The following OPN5 variants were observed in gnomAD, a reference collection of about 807,000 sequenced individuals.
The protein encoded by OPN5 is opsin-5.
Under a neutral mutation model 41.7 loss-of-function variants are expected in OPN5, and 18 were observed. The ratio of observed to expected loss-of-function variants is 0.43; its 90% CI spans 0.30 to 0.64. The LOEUF is 0.64. Ranked by LOEUF, OPN5 falls within the 30% of genes least tolerant of loss-of-function variation. The pLI, the probability that OPN5 is intolerant of heterozygous loss-of-function variation, is 0.13. For synonymous variants in OPN5, 178 were observed against 164.3 expected (o/e 1.08, Z -0.64); for missense variants, 318 against 434.5 (o/e 0.73, Z 2.38).
At chr6:47,795,189 G>A (rs1773502723) in intron 3 of OPN5, 40 bp from the exon 4 acceptor site, 2 of 1,447,982 alleles carry the variant, frequency 1.4e-6, no homozygotes. Context: ...CTGGGTGTAG[G>A]GCAGATTACA....
intron 3 of OPN5, among the ~76,000 whole-genome samples, chr6:47,792,943 G>A (rs1326385899): frequency 2.6e-5 from 4 of 151,056 alleles, no homozygotes; most frequent in East Asian, 3.9e-4. Flanking sequence ...GGTGGGAGGC[G>A]GGGGCTTGTG....
At chr6:47,787,500 C>T (rs1438563399) in intron 2 of OPN5, among the ~76,000 whole-genome samples, 2 of 152,162 alleles carry the variant, frequency 1.3e-5, no homozygotes, top group Non-Finnish European at 2.9e-5. Context: ...TGCTATTTAG[C>T]TTATGGTTTT....
intron 6 of OPN5, chr6:47,823,443 A>T (rs931050624): frequency 6.5e-6 from 1 of 153,164 alleles, no homozygotes; most frequent in African/African-American, 2.4e-5. Context: ...TCCCATGGCA[A>T]GCCTTATCTA....
At chr6:47,791,419 T>C (rs1352375932) in intron 2 of OPN5, among the ~76,000 whole-genome samples, 5 of 152,230 alleles carry the variant, frequency 3.3e-5, no homozygotes, top group Non-Finnish European at 7.3e-5. Flanking sequence ...CTCTAAGCCT[T>C]CGAATGAAAG....
chr6:47,809,139 T>A (rs1223765401), intron 5 of OPN5, among the ~76,000 whole-genome samples: 1 of 152,166 alleles, frequency 6.6e-6, no homozygotes, highest in Non-Finnish European at 1.5e-5. Flanking sequence ...ACTTGGGGGT[T>A]ATTGGTGGTC....
intron 4 of OPN5, among the ~76,000 whole-genome samples, chr6:47,799,486 T>C (rs1773689406): frequency 6.6e-6 from 1 of 152,204 alleles, no homozygotes; most frequent in South Asian, 2.1e-4. Context: ...GACCCTGGCA[T>C]TGCTGAGATA....
intron 4 of OPN5, among the ~76,000 whole-genome samples, chr6:47,805,645 C>T (rs1205275749): frequency 3.9e-5 from 6 of 152,092 alleles, no homozygotes; most frequent in Admixed American, 3.9e-4. Flanking sequence ...TCCTGCCTAC[C>T]GCTAAAGTGT....
intron 6 of OPN5, among the ~76,000 whole-genome samples, chr6:47,820,240 C>G (rs369701950): frequency 2.8e-4 from 43 of 151,916 alleles, no homozygotes; most frequent in Non-Finnish European, 4.3e-4. Context: ...GTCTGCTCTA[C>G]TTTTTTACTT....
intron 2 of OPN5, among the ~76,000 whole-genome samples, chr6:47,790,160 A>G (rs1289607386): frequency 6.6e-6 from 1 of 152,238 alleles, no homozygotes; most frequent in East Asian, 1.9e-4. Context: ...AACAGAAGGA[A>G]ATGTGGAAAT....
At chr6:47,786,258 C>A (rs759899994) in intron 1 of OPN5, among the ~76,000 whole-genome samples, 1 of 152,208 alleles carries the variant, frequency 6.6e-6, no homozygotes, top group East Asian at 1.9e-4. Context: ...CCCACACTTT[C>A]CTGAGCCTCG....
chr6:47,808,419 G>T lies in OPN5; in HGVS notation c.998+24G>T, dbSNP rs1031904983. 3.7e-6 allele frequency: 6 copies of T among 1,612,912 alleles called. No individual in the cohort carries two copies. The Admixed American group carries it at 8.3e-5, about 22-fold the overall frequency. On this transcript the variant is annotated intron_variant, in intron 5 of 6. Coordinates refer to ENST00000371211, the Ensembl canonical transcript of OPN5. ...AGGTAAAACTTCAGAAGCTGGAAATGAATTACACTCTCTTTGTTTCAAAAT... is the reference window on the plus strand; with the variant it reads ...AGGTAAAACTTCAGAAGCTGGAAATTAATTACACTCTCTTTGTTTCAAAAT...
intron 4 of OPN5, 26 bp from the exon 5 acceptor site, chr6:47,808,128 T>G: frequency 6.2e-7 from 1 of 1,613,320 alleles, no homozygotes; most frequent in African/African-American, 1.3e-5. Context: ...ATCTTGATTC[T>G]TTTCTCTGTT....
chr6:47,814,700 G>A (rs933227577), intron 6 of OPN5, among the ~76,000 whole-genome samples: 18 of 152,096 alleles, frequency 1.2e-4, no homozygotes, highest in African/African-American at 4.3e-4. Flanking sequence ...TTCCCCAGTG[G>A]CTTCCAATGA....
At chr6:47,802,939 C>A (rs1773830930) in intron 4 of OPN5, among the ~76,000 whole-genome samples, 1 of 151,946 alleles carries the variant, frequency 6.6e-6, no homozygotes, top group South Asian at 2.1e-4. Flanking sequence ...GTGTGAAATT[C>A]TTGTTTTTCT....
At chr6:47,820,553 C>CT (rs1205375716) in intron 6 of OPN5, among the ~76,000 whole-genome samples, 1 of 152,088 alleles carries the variant, frequency 6.6e-6, no homozygotes, top group African/African-American at 2.4e-5. Flanking sequence ...ATTTCTATTC[C>CT]TTTTAAGGGA....
At chr6:47,811,563 A>T in intron 5 of OPN5, 111 bp from the exon 6 acceptor site, 1 of 510,808 alleles carries the variant, frequency 2.0e-6, no homozygotes, top group South Asian at 4.0e-5. Context: ...ATTTGTGCAC[A>T]TAATCCTCAT....
At chr6:47,784,484 G>T (rs1369304181) in intron 1 of OPN5, among the ~76,000 whole-genome samples, 1 of 152,124 alleles carries the variant, frequency 6.6e-6, no homozygotes, top group Admixed American at 6.5e-5. Context: ...TTTTAGTAGA[G>T]ACGGGGTTTC....
At chr6:47,805,595 C>T (rs1453310825) in intron 4 of OPN5, among the ~76,000 whole-genome samples, 1 of 152,092 alleles carries the variant, frequency 6.6e-6, no homozygotes, top group East Asian at 1.9e-4. Context: ...CATAGACAGG[C>T]TGTTCCACAG....
At chr6:47,808,086 C>T in intron 4 of OPN5, 68 bp from the exon 5 acceptor site, 1 of 1,508,282 alleles carries the variant, frequency 6.6e-7, no homozygotes, top group Non-Finnish European at 9.2e-7. Context: ...TTCTCCATAC[C>T]CATCGTTTCA....
Sources: allele counts gnomAD v4.1 joint callset (sites outside exome capture counted in the v4.1 genomes callset), GRCh38; gene constraint gnomAD v4.1.1; transcripts MANE v1.5; gene names NCBI Gene and HGNC (gene_info 2026-07-23, HGNC 2026-07-21).